Variants in PTPRN2 observed in about 807,000 individuals in gnomAD.
PTPRN2 encodes receptor-type tyrosine-protein phosphatase N2.
Under a neutral mutation model 118.8 loss-of-function variants are expected in PTPRN2, and 74 were observed. That is an observed-to-expected ratio of 0.62 (90% CI 0.52 to 0.76). The LOEUF is 0.76. Among genes scored for constraint, PTPRN2 ranks in the 30% least tolerant of loss-of-function variants. The pLI is 0.00. For missense variants in PTPRN2, 1,481 were observed against 1,394.4 expected, an observed-to-expected ratio of 1.06 and a Z score of -0.99; for synonymous variants, 641 against 608.0, an observed-to-expected ratio of 1.05 and a Z score of -0.80.
intron 2 of PTPRN2, among the ~76,000 whole-genome samples, chr7:158,319,504 TC>T (rs1435175067): frequency 0.42 from 12,896 of 30,870 alleles, 4,051 homozygotes; most frequent in Non-Finnish European, 0.47. Context: ...TCACACAGCC[TC>T]CCCCCACACA....
In PTPRN2 at chr7:158,568,021, T is replaced by C. The variant is rs137951710; in HGVS notation, c.112+19537A>G. ...TAATCCCAACACTTTGGGAGGCTGA[T>C]GCAGGCAGATCACTTGAGGTCACAA... On this transcript the variant is annotated intron_variant, in intron 1 of 22. Transcript: ENST00000389418. Among the ~76,000 whole-genome samples, 415 of 152,298 alleles carry C rather than the reference T, an allele frequency of 2.7e-3. 3 individuals carry two copies. The highest frequency in any genetic ancestry group is 9.4e-3 in the African/African-American group (391 of 41,556).
chr7:158,319,475 A>T (rs115206525), intron 2 of PTPRN2, among the ~76,000 whole-genome samples: 1 of 13,258 alleles, frequency 7.5e-5, no homozygotes. Flanking sequence ...CTCACACACA[A>T]GCACAGCCTC....
intron 12 of PTPRN2, among the ~76,000 whole-genome samples, chr7:157,788,821 C>T (rs540603045): frequency 3.3e-5 from 5 of 152,182 alleles, no homozygotes; most frequent in East Asian, 1.9e-4. Flanking sequence ...GTGAGGCTGC[C>T]GGCCCACTTC....
At chr7:157,698,336 T>G (rs1425199661) in intron 12 of PTPRN2, among the ~76,000 whole-genome samples, 1 of 152,254 alleles carries the variant, frequency 6.6e-6, no homozygotes, top group East Asian at 1.9e-4. Flanking sequence ...CTTTTATTAT[T>G]AATTCTCATG....
At chr7:158,202,854 GA>G (rs1171310419) in intron 4 of PTPRN2, among the ~76,000 whole-genome samples, 2 of 152,084 alleles carry the variant, frequency 1.3e-5, no homozygotes, top group African/African-American at 4.8e-5. Flanking sequence ...GAAATATAAA[GA>G]ACCTATAATA....
At chr7:158,189,446 T>G (rs547887396) in intron 5 of PTPRN2, among the ~76,000 whole-genome samples, 1 of 152,358 alleles carries the variant, frequency 6.6e-6, no homozygotes, top group East Asian at 1.9e-4. Context: ...ACTCGCTCAC[T>G]GGCCCATCCA....
chr7:158,388,010 A>G (rs1477297027), intron 2 of PTPRN2, among the ~76,000 whole-genome samples: 2 of 152,122 alleles, frequency 1.3e-5, no homozygotes, highest in Non-Finnish European at 2.9e-5. Flanking sequence ...CTATTTATAC[A>G]CACATACAAA....
chr7:158,477,101 C>T (rs183696618), intron 2 of PTPRN2, among the ~76,000 whole-genome samples: 58 of 152,346 alleles, frequency 3.8e-4, no homozygotes, highest in Admixed American at 3.7e-3. Context: ...TGCAATGAGA[C>T]TGCCAGTCAC....
intron 12 of PTPRN2, among the ~76,000 whole-genome samples, chr7:157,772,131 A>G (rs1009144167): frequency 8.1e-5 from 12 of 148,222 alleles, no homozygotes; most frequent in Non-Finnish European, 1.8e-4. Context: ...ACACATACAC[A>G]GACAGACACA....
At position 158,248,924 on chromosome 7, in the gene PTPRN2, C is replaced by G. The variant is rs1221713145; in HGVS notation, c.278-43651G>C. On this transcript the variant is annotated intron_variant, in intron 3 of 22. Coordinates refer to ENST00000389418, the MANE Select transcript of PTPRN2 (RefSeq NM_002847.5). Reference sequence around the variant, plus strand: ...ATGTGCATATATACACCACACAGTGCACACATGCCACACACATGCACCCAC... The same window carrying G: ...ATGTGCATATATACACCACACAGTGGACACATGCCACACACATGCACCCAC... Among the ~76,000 whole-genome samples the G allele has an allele frequency of 2.0e-5, 3 of 150,998 alleles. 1 individual carries two copies. Among genetic ancestry groups the G allele is most frequent in the African/African-American group, 7.3e-5 (3 of 40,958 alleles).
chr7:158,133,356 C>T (rs999060004), intron 9 of PTPRN2, among the ~76,000 whole-genome samples: 9 of 152,208 alleles, frequency 5.9e-5, no homozygotes, highest in Non-Finnish European at 1.2e-4. Flanking sequence ...GTGATTCTGA[C>T]CCGCAGAGAG....
At chr7:158,132,461 CAACACA>C (rs1233355868) in intron 9 of PTPRN2, among the ~76,000 whole-genome samples, 3 of 150,392 alleles carry the variant, frequency 2.0e-5, no homozygotes, top group South Asian at 4.2e-4. Context: ...CATATCGACA[CAACACA>C]CACTCGTATA....
chr7:158,019,447 C>T (rs552901979), intron 11 of PTPRN2, among the ~76,000 whole-genome samples: 1 of 152,350 alleles, frequency 6.6e-6, no homozygotes, highest in African/African-American at 2.4e-5. Flanking sequence ...CTGGAGTGAC[C>T]GTGTCAGACA....
intron 14 of PTPRN2, among the ~76,000 whole-genome samples, chr7:157,624,969 A>G (rs1803481249): frequency 6.6e-6 from 1 of 151,776 alleles, no homozygotes; most frequent in Admixed American, 6.5e-5. Context: ...ACCAACAGAC[A>G]TATGAAAAAA....
intron 12 of PTPRN2, among the ~76,000 whole-genome samples, chr7:157,688,709 G>T (rs1797316497): frequency 6.6e-6 from 1 of 152,184 alleles, no homozygotes; most frequent in African/African-American, 2.4e-5. Context: ...CCCGGACTCA[G>T]AAGCCCCAAC....
Position 157,621,418 on chromosome 7 carries a change from A to T in PTPRN2, c.2288T>A (p.Phe763Tyr), listed in dbSNP as rs1194013184. 1 of 1,612,914 alleles carries T rather than the reference A, an allele frequency of 6.2e-7. No individual in the cohort carries two copies. Among genetic ancestry groups the T allele is most frequent in the Non-Finnish European group, 8.5e-7 (1 of 1,179,720 alleles). Residue 763 changes from phenylalanine (F) to tyrosine (Y), a missense_variant, in exon 15 of 23, where the codon TTC (phenylalanine) becomes TAC (tyrosine). Physicochemically the swap from Phe to Tyr is conservative, Grantham distance 22. Transcript: ENST00000389418. ...CACGTTCTCCTCCCTCTGGGCCACG[A>T]ACGAGCTGTTGGGCTCCGCCTGGTA... Reference protein sequence around the residue: ...CAYQAEPNSSFVAQREENVPK... With the variant: ...CAYQAEPNSSYVAQREENVPK...
chr7:158,011,957 A>G (rs968339428), intron 11 of PTPRN2, among the ~76,000 whole-genome samples: 11 of 152,150 alleles, frequency 7.2e-5, no homozygotes, highest in Non-Finnish European at 1.6e-4. Flanking sequence ...TGGTTGAAAA[A>G]CTACAACAAT....
At chr7:158,561,336 A>G (rs112004043) in intron 1 of PTPRN2, among the ~76,000 whole-genome samples, 1,912 of 152,244 alleles carry the variant, frequency 0.013, 33 homozygotes, top group African/African-American at 0.044. Context: ...CCCCTGCCTG[A>G]GAAAATCCCC....
rs1248207957 is a variant in PTPRN2, at chr7:157,779,744, C to T, written c.1789-96807G>A. 6.6e-6 allele frequency among the ~76,000 whole-genome samples: 1 copy of T among 152,126 alleles called. No homozygotes were observed. Among genetic ancestry groups the T allele is most frequent in the Non-Finnish European group, 1.5e-5 (1 of 68,012 alleles). ...TGAGGGTCTGGGGAAGGCGCTGTGGCCTGAATGCTCACCCTATGGCTGGGT... is the reference window on the plus strand; with the variant it reads ...TGAGGGTCTGGGGAAGGCGCTGTGGTCTGAATGCTCACCCTATGGCTGGGT... On this transcript the variant is annotated intron_variant, in intron 12 of 22. Coordinates refer to ENST00000389418, the MANE Select transcript of PTPRN2 (RefSeq NM_002847.5). This position sits in a 1 kb window ranked among gnomAD's most constrained non-coding sequence, Gnocchi z 4.7.
Sources: gnomAD v4.1 joint callset for allele counts (sites outside exome capture counted in the v4.1 genomes callset) on GRCh38, gnomAD v4.1.1 for gene constraint, Gnocchi (gnomAD v3.1) non-coding constraint, MANE v1.5 for transcripts, NCBI Gene and HGNC (gene_info 2026-07-23, HGNC 2026-07-21) for gene names.